Variants in ELF3 observed in about 807,000 individuals in gnomAD.
ELF3 encodes the protein E74 like ETS transcription factor 3.
A neutral mutation model predicts 43.9 loss-of-function variants in ELF3; 18 were observed. That is an observed-to-expected ratio of 0.41 (90% confidence interval 0.28 to 0.61). The LOEUF is 0.61. ELF3 is among the 20% of genes least tolerant of loss of function. The pLI, the probability that ELF3 is intolerant of heterozygous loss-of-function variation, is 0.30. For missense variants in ELF3, 373 were observed against 487.7 expected (o/e 0.76, Z 2.21); for synonymous variants, 181 against 190.2 (o/e 0.95, Z 0.40).
rs1355629937 is a variant in ELF3, at chr1:202,010,872, G to A, written c.-9+166G>A. 6.3e-6 allele frequency: 3 copies of A among 479,702 alleles called. No individual in the cohort carries two copies. The highest frequency in any genetic ancestry group is 1.1e-5 in the Non-Finnish European group (3 of 267,482). The allele number at this position is 479,702 out of a possible 1,614,324, so 29.7% of individuals were successfully genotyped here. ...GAGAGAGATTGTCTCTGGGAAGGCA[G>A]AATGGCCATGACGCCGCTAGTCTGG... On this transcript the variant is annotated intron_variant, in intron 1 of 8. Transcript: ENST00000367284. The surrounding 1 kb of genome is among the most constrained non-coding windows in gnomAD (Gnocchi z 4.3).
In ELF3 at chr1:202,011,186, C is replaced by T. The variant is rs1326760178; in HGVS notation, c.50C>T (p.Ala17Val). The T allele has an allele frequency of 7.4e-6, 12 of 1,613,992 alleles. No individual in the cohort carries two copies. The highest frequency in any genetic ancestry group is 3.3e-5 in the South Asian group (3 of 91,088). Reference protein sequence around the residue: ...ISNIFSNYFSAMYSSEDSTLA... With the variant: ...ISNIFSNYFSVMYSSEDSTLA... ...AACATTTTTAGCAACTACTTCAGTG[C>T]GATGTACAGCTCGGAGGACTCCACC... Residue 17 changes from alanine (A) to valine (V), a missense_variant, in exon 2 of 9, where the codon GCG becomes GTG. Ala to Val is a moderately conservative substitution (Grantham distance 64). Transcript: ENST00000367284.
rs1684262885 is a variant in ELF3, at chr1:202,013,853, A to C, written c.830A>C (p.Glu277Ala). Residue 277 changes from glutamate to alanine, a missense_variant, in exon 8 of 9, where the codon GAG becomes GCG. Coordinates refer to ENST00000367284, the MANE Select transcript of ELF3 (RefSeq NM_004433.5). This position sits in a 1 kb window ranked among gnomAD's most constrained non-coding sequence, Gnocchi z 5.7. ...GCGCCCAGAGGCACCCACCTGTGGG[A>C]GTTCATCCGGGACATCCTCATCCAC... is the stretch of plus-strand genomic sequence containing the variant. ...KHAPRGTHLW[E>A]FIRDILIHPE... 6.2e-7 allele frequency: 1 copy of C among 1,613,290 alleles called. No individual in the cohort carries two copies. The highest frequency in any genetic ancestry group is 8.5e-7 in the Non-Finnish European group (1 of 1,179,518).
rs186220243 is a variant in ELF3, at chr1:202,010,999, G to A, written c.-8-130G>A. On this transcript the variant is annotated intron_variant, in intron 1 of 8. Coordinates refer to ENST00000367284, the MANE Select transcript of ELF3 (RefSeq NM_004433.5). The surrounding 1 kb of genome is among the most constrained non-coding windows in gnomAD (Gnocchi z 4.3). ...AGCCCTTCTTGAAGAGACGGTGTCC[G>A]CAGAGTTGCTGATCTTCCTGCCCCT... The A allele has an allele frequency of 1.6e-5, 16 of 975,580 alleles. No homozygotes were observed. The highest frequency in any genetic ancestry group is 2.6e-5 in the East Asian group (1 of 37,800). 60.4% of individuals were successfully genotyped at this position (975,580 alleles called of 1,614,324 possible).
chr1:202,011,502 G>T, intron 2 of ELF3: 3 of 606,700 alleles, frequency 4.9e-6, no homozygotes, highest in Non-Finnish European at 8.1e-6. Flanking sequence ...CAAGGGTGTT[G>T]TGAATGCTAC....
rs55666208 is a variant in ELF3, at chr1:202,012,227, G to C, written c.385+49G>C. The C allele has an allele frequency of 0.24, 380,977 of 1,605,660 alleles. 48,261 individuals are homozygous for C. Among genetic ancestry groups the C allele is most frequent in the African/African-American group, 0.47 (35,034 of 74,626 alleles). Reference sequence around the variant, plus strand: ...GGGGAGCAGCTCCACATGTTGAGCTGAGTCGAGTTCAGTGTGGCCGTAGGC... The same window carrying C: ...GGGGAGCAGCTCCACATGTTGAGCTCAGTCGAGTTCAGTGTGGCCGTAGGC... On this transcript the variant is annotated intron_variant, in intron 3 of 8. Transcript: ENST00000367284. The surrounding 1 kb of genome is among the most constrained non-coding windows in gnomAD (Gnocchi z 4.2).
rs1684263522 is a variant in ELF3, at chr1:202,013,899, C to T, written c.876C>T (p.Leu292=). 3.1e-6 allele frequency: 5 copies of T among 1,614,054 alleles called. No individual in the cohort carries two copies. The highest frequency in any genetic ancestry group is 3.3e-4 in the Middle Eastern group (2 of 6,060). Residue 292 remains leucine, a synonymous_variant, in exon 8 of 9, where the codon CTC becomes CTT. Coordinates refer to ENST00000367284, the MANE Select transcript of ELF3 (RefSeq NM_004433.5). The surrounding 1 kb of genome is among the most constrained non-coding windows in gnomAD (Gnocchi z 5.7). ...ILIHPELNEG[L]MKWENRHEGV... is the part of the protein sequence containing the mutation. Reference sequence around the variant, plus strand: ...TCCACCCGGAGCTCAACGAGGGCCTCATGAAGTGGGAGAATCGGCATGAAG... The same window carrying T: ...TCCACCCGGAGCTCAACGAGGGCCTTATGAAGTGGGAGAATCGGCATGAAG...
chr1:202,014,672 A>G (rs902383573), intron 8 of ELF3, among the ~76,000 whole-genome samples: 5 of 152,042 alleles, frequency 3.3e-5, no homozygotes, highest in Non-Finnish European at 7.4e-5. Flanking sequence ...CAGTGGCACA[A>G]TCTTGGCTCG....
chr1:202,011,977 G>A lies in ELF3; in HGVS notation c.184G>A (p.Glu62Lys), dbSNP rs1281932149. ...EGTEKASWLG[E>K]QPQFWSKTQV... ...TGCAGAGAAGGCCAGCTGGTTGGGG[G>A]AACAGCCCCAGTTCTGGTCGAAGAC... The change falls in exon 3 of 9, where the codon GAA becomes AAA. Residue 62 changes from glutamate (E) to lysine (K), a missense_variant. By Grantham distance (56) the Glu-to-Lys change is moderately conservative. This residue lies in a region of ELF3 where 311 missense variants were observed against 351.2 expected (regional missense o/e 0.89). Transcript: ENST00000367284. 2 of 1,614,062 alleles carry A rather than the reference G, an allele frequency of 1.2e-6. No homozygotes were observed. Among genetic ancestry groups the A allele is most frequent in the Non-Finnish European group, 1.7e-6 (2 of 1,180,036 alleles).
At position 202,011,209 on chromosome 1, in the gene ELF3, A is replaced by G. The variant is rs1684185754; in HGVS notation, c.73A>G (p.Thr25Ala). ...TGCGATGTACAGCTCGGAGGACTCC[A>G]CCCTGGCCTCTGTTCCCCCTGCTGC... ...FSAMYSSEDS[T>A]LASVPPAATF... The change falls in exon 2 of 9, where the codon ACC becomes GCC. Residue 25 changes from threonine (T) to alanine (A), a missense_variant. Coordinates refer to ENST00000367284, the MANE Select transcript of ELF3 (RefSeq NM_004433.5). 1 of 1,613,966 alleles carries G rather than the reference A, an allele frequency of 6.2e-7. No homozygotes were observed. Among genetic ancestry groups the G allele is most frequent in the South Asian group, 1.1e-5 (1 of 91,074 alleles).
chr1:202,016,233 C>A lies in ELF3; in HGVS notation c.*910C>A, dbSNP rs1283527800. 6.6e-6 allele frequency: 1 copy of A among 152,554 alleles called. No homozygotes were observed. Among genetic ancestry groups the A allele is most frequent in the Non-Finnish European group, 1.5e-5 (1 of 68,166 alleles). 9.5% of individuals were successfully genotyped at this position (152,554 alleles called of 1,614,324 possible). On this transcript the variant is annotated 3_prime_UTR_variant, in exon 9 of 9. Coordinates refer to ENST00000367284, the MANE Select transcript of ELF3 (RefSeq NM_004433.5). ...AGACTGTTGGAGAACGCTTACAAGA[C>A]TTCATGCAAGCAAGGACATGAACTC...
Position 202,011,316 on chromosome 1 carries a change from T to A in ELF3, c.163+17T>A, listed in dbSNP as rs1324932747. ...AGGGTACAGGTGGGTCTCAGCGGGG[T>A]GGGATGGGGCACGGAGTGGGAGACA... On this transcript the variant is annotated intron_variant, in intron 2 of 8. Coordinates refer to ENST00000367284, the MANE Select transcript of ELF3 (RefSeq NM_004433.5). 1.3e-6 allele frequency: 2 copies of A among 1,541,272 alleles called. No individual in the cohort carries two copies. The highest frequency in any genetic ancestry group is 1.4e-5 in the African/African-American group (1 of 71,844).
Position 202,013,058 on chromosome 1 carries a change from A to G in ELF3, c.688+22A>G. ...AGCGGTGAGTCGAGGGAGGTCCCCA[A>G]GAGGGCGTCCCATTTAGCAATGCAC... On this transcript the variant is annotated intron_variant, in intron 6 of 8. Transcript: ENST00000367284. The surrounding 1 kb of genome is among the most constrained non-coding windows in gnomAD (Gnocchi z 5.7). The G allele has an allele frequency of 1.2e-6, 2 of 1,608,712 alleles. No homozygotes were observed. Among genetic ancestry groups the G allele is most frequent in the Middle Eastern group, 1.7e-4 (1 of 6,016 alleles).
chr1:202,015,190 C>T lies in ELF3; in HGVS notation c.1002-19C>T. ...CATTTCCTGCCAAAGCACCTCTGAC[C>T]ATCCTTCTCTTCACCCAGGTACTAC... On this transcript the variant is annotated intron_variant, in intron 8 of 8. Coordinates refer to ENST00000367284, the MANE Select transcript of ELF3 (RefSeq NM_004433.5). 6.2e-7 allele frequency: 1 copy of T among 1,613,364 alleles called. No individual in the cohort carries two copies. The highest frequency in any genetic ancestry group is 2.2e-5 in the East Asian group (1 of 44,850).
chr1:202,014,479 A>G (rs754061359), intron 8 of ELF3, among the ~76,000 whole-genome samples: 11 of 152,270 alleles, frequency 7.2e-5, no homozygotes, highest in Admixed American at 7.2e-4. Flanking sequence ...TTTTAAATAG[A>G]GGCAAGGGTC....
At position 202,013,191 on chromosome 1, in the gene ELF3, G is replaced by A. The variant is rs769104884; in HGVS notation, c.698G>A (p.Arg233His). 2.7e-5 allele frequency: 43 copies of A among 1,614,000 alleles called. No homozygotes were observed. The highest frequency in any genetic ancestry group is 3.3e-5 in the South Asian group (3 of 91,062). The change falls in exon 7 of 9, where the codon CGT becomes CAT. Residue 233 changes from arginine (R) to histidine (H), a missense_variant. This residue lies in a region of ELF3 where 311 missense variants were observed against 351.2 expected (regional missense o/e 0.89). Coordinates refer to ENST00000367284, the MANE Select transcript of ELF3 (RefSeq NM_004433.5). The surrounding 1 kb of genome is among the most constrained non-coding windows in gnomAD (Gnocchi z 5.7). ...DGKLFPSDGF[R>H]DCKKGDPKHG... ...ACCACCGTCCCCACAGATGGTTTTCGTGACTGCAAGAAGGGGGATCCCAAG... is the reference window on the plus strand; with the variant it reads ...ACCACCGTCCCCACAGATGGTTTTCATGACTGCAAGAAGGGGGATCCCAAG...
rs771801947 is a variant in ELF3 at position 202,012,188 on chromosome 1, G to T, written c.385+10G>T. ...CAGCTGCGAGACCTCAGTGAGTCCA[G>T]GCCCCTGGAGGCTGGGGAGCAGCTC... On this transcript the variant is annotated intron_variant, in intron 3 of 8. Transcript: ENST00000367284. This position sits in a 1 kb window ranked among gnomAD's most constrained non-coding sequence, Gnocchi z 4.2. 5.6e-6 allele frequency: 9 copies of T among 1,611,944 alleles called. No homozygotes were observed. Among genetic ancestry groups the T allele is most frequent in the Non-Finnish European group, 7.6e-6 (9 of 1,179,418 alleles).
chr1:202,012,962 G>C lies in ELF3; in HGVS notation c.614G>C (p.Arg205Pro). 6.2e-7 allele frequency: 1 copy of C among 1,612,724 alleles called. No individual in the cohort carries two copies. Among genetic ancestry groups the C allele is most frequent in the Non-Finnish European group, 8.5e-7 (1 of 1,179,296 alleles). The change falls in exon 6 of 9, where the codon CGG (arginine) becomes CCG (proline). Residue 205 changes from arginine (R) to proline (P), a missense_variant. This residue lies in a region of ELF3 where 311 missense variants were observed against 351.2 expected (regional missense o/e 0.89). Coordinates refer to ENST00000367284, the MANE Select transcript of ELF3 (RefSeq NM_004433.5). The surrounding 1 kb of genome is among the most constrained non-coding windows in gnomAD (Gnocchi z 4.2). ...DVSTAGTGASRSSHSSDSGGS... is the reference protein window; with the variant it reads ...DVSTAGTGASPSSHSSDSGGS... ...CGCCCCCCAGGGACTGGTGCTTCTC[G>C]GAGCTCCCACTCCTCAGACTCCGGT...
Position 202,016,429 on chromosome 1 carries a change from G to T in ELF3, c.*1106G>T, listed in dbSNP as rs559011684. The T allele has an allele frequency of 4.6e-5, 7 of 151,602 alleles. No individual in the cohort carries two copies. The South Asian group carries it at 1.5e-3, about 32-fold the overall frequency. The allele number at this position is 151,602 out of a possible 1,614,324, so 9.4% of individuals were successfully genotyped here. The stretch of plus-strand genomic sequence containing the variant: ...CTGGCCTTGTGGAATAGATGGTTTT[G>T]CATTCCAGCCAAGTGTGCTGTAAAC... On this transcript the variant is annotated 3_prime_UTR_variant, in exon 9 of 9. Coordinates refer to ENST00000367284, the MANE Select transcript of ELF3 (RefSeq NM_004433.5).
In ELF3 at chr1:202,013,321, T is replaced by A; in HGVS notation, c.805+23T>A. 6.2e-7 allele frequency: 1 copy of A among 1,609,214 alleles called. No individual in the cohort carries two copies. The highest frequency in any genetic ancestry group is 8.5e-7 in the Non-Finnish European group (1 of 1,176,232). On this transcript the variant is annotated intron_variant, in intron 7 of 8. Transcript: ENST00000367284. The surrounding 1 kb of genome is among the most constrained non-coding windows in gnomAD (Gnocchi z 5.7). ...ACGGTGAGCTCCGGGGGCACGTGGG[T>A]CCTCCCTGCGCCGGGCTGAGCGGCT...
Sources: gnomAD v4.1 joint callset for allele counts (sites outside exome capture counted in the v4.1 genomes callset) on GRCh38, gnomAD v4.1.1 for gene constraint, gnomAD v4.1.1 regional missense constraint, Gnocchi (gnomAD v3.1) non-coding constraint, MANE v1.5 for transcripts, NCBI Gene and HGNC (gene_info 2026-07-23, HGNC 2026-07-21) for gene names.